ELAVL4: variants seen among roughly 807,000 people sequenced by gnomAD.
ELAVL4 encodes ELAV-like protein 4.
In ELAVL4, 1 loss-of-function variant was observed where a neutral mutation model predicts 35.6. That is an observed-to-expected ratio of 0.03 (90% confidence interval 0.01 to 0.13). The LOEUF (loss-of-function observed/expected upper bound fraction) is 0.13. Ranked by LOEUF, ELAVL4 falls within the 10% of genes least tolerant of loss-of-function variation. The pLI is 1.00. For synonymous variants in ELAVL4, 156 were observed against 171.0 expected (o/e 0.91, Z 0.69); for missense variants, 267 against 464.9 (o/e 0.57, Z 3.91).
intron 2 of ELAVL4, 23 bp downstream of exon 2, chr1:50,145,220 T>C (rs1557776942): frequency 3.7e-6 from 6 of 1,613,052 alleles, no homozygotes; most frequent in Non-Finnish European, 4.2e-6. Context: ...TTTGAAGCTA[T>C]GTTGTTCCAT....
chr1:50,083,499 G>C (rs186313295), intron 1 of ELAVL4, among the ~76,000 whole-genome samples: 15 of 152,246 alleles, frequency 9.9e-5, no homozygotes, highest in Non-Finnish European at 2.2e-4. Context: ...ACTTGAATCA[G>C]GTATGTCTGA....
At chr1:50,116,399 TGTGTGTGTGTGTGC>T (rs1285510924) in intron 1 of ELAVL4, among the ~76,000 whole-genome samples, 1 of 116,726 alleles carries the variant, frequency 8.6e-6, no homozygotes, top group Non-Finnish European at 1.7e-5. Flanking sequence ...TACTGTGGTG[TGTGTGTGTGTGTGC>T]GTGTGTGTGT....
intron 1 of ELAVL4, among the ~76,000 whole-genome samples, chr1:50,075,628 C>T (rs751193945): frequency 3.0e-4 from 46 of 152,170 alleles, no homozygotes; most frequent in Non-Finnish European, 5.4e-4. Context: ...TGTATCATGC[C>T]AGAGTACAGG....
upstream of ELAVL4, among the ~76,000 whole-genome samples, chr1:50,105,410 GTGTTT>G (rs921035443): frequency 5.9e-5 from 9 of 152,176 alleles, no homozygotes; most frequent in Non-Finnish European, 1.0e-4. Flanking sequence ...ATTTGTGGCA[GTGTTT>G]TGTTTTGTTT....
chr1:50,150,297 C>T (rs1674548247), intron 2 of ELAVL4, among the ~76,000 whole-genome samples: 1 of 152,174 alleles, frequency 6.6e-6, no homozygotes, highest in African/African-American at 2.4e-5. Flanking sequence ...TAATACGTCT[C>T]TTTGGTTTAA....
intron 2 of ELAVL4, among the ~76,000 whole-genome samples, chr1:50,163,369 A>T (rs1308361964): frequency 1.3e-5 from 2 of 152,060 alleles, no homozygotes; most frequent in African/African-American, 2.4e-5. Flanking sequence ...TGTAGAAGGG[A>T]TTTGAAGATG....
At chr1:50,181,713 C>T (rs1681064456) in intron 3 of ELAVL4, among the ~76,000 whole-genome samples, 1 of 151,936 alleles carries the variant, frequency 6.6e-6, no homozygotes, top group African/African-American at 2.4e-5. Flanking sequence ...GACAGAGTTT[C>T]ACTCTTGTTG....
intron 1 of ELAVL4, among the ~76,000 whole-genome samples, chr1:50,129,146 G>GT (rs952682484): frequency 6.6e-6 from 1 of 152,044 alleles, no homozygotes; most frequent in African/African-American, 2.4e-5. Flanking sequence ...TAAGGGCTTT[G>GT]TAAGAGTCTC....
intron 3 of ELAVL4, among the ~76,000 whole-genome samples, chr1:50,184,790 G>A (rs74407232): frequency 6.6e-6 from 1 of 152,196 alleles, no homozygotes; most frequent in Non-Finnish European, 1.5e-5. Context: ...CATAAGGGAT[G>A]ATGTAGACAG....
chr1:50,144,580 C>A, intron 1 of ELAVL4: 1 of 471,648 alleles, frequency 2.1e-6, no homozygotes, highest in Non-Finnish European at 4.1e-6. Flanking sequence ...GCTTTTTCAG[C>A]TTTAATGGAA....
At chr1:50,198,148 T>A (rs536664293) in intron 6 of ELAVL4, among the ~76,000 whole-genome samples, 1 of 152,348 alleles carries the variant, frequency 6.6e-6, no homozygotes, top group African/African-American at 2.4e-5. Context: ...TTGCTGTTCC[T>A]GTCACTGAAA....
chr1:50,081,076 G>A (rs113015908), intron 1 of ELAVL4, among the ~76,000 whole-genome samples: 11 of 152,098 alleles, frequency 7.2e-5, no homozygotes, highest in Non-Finnish European at 1.5e-5. Context: ...TCTGACAAAA[G>A]GAAAACTTTC....
chr1:50,190,494 CTG>C (rs1682507360), intron 3 of ELAVL4, among the ~76,000 whole-genome samples: 1 of 152,124 alleles, frequency 6.6e-6, no homozygotes, highest in Non-Finnish European at 1.5e-5. Context: ...GGACAGGAAA[CTG>C]AGAGAACAAT....
chr1:50,194,157 G>A (rs1683086358), intron 4 of ELAVL4, among the ~76,000 whole-genome samples: 1 of 152,220 alleles, frequency 6.6e-6, no homozygotes, highest in South Asian at 2.1e-4. Context: ...CTACTTGCCA[G>A]GGTTGTAAAA....
intron 1 of ELAVL4, among the ~76,000 whole-genome samples, chr1:50,087,574 A>G (rs1557695010): frequency 6.6e-6 from 1 of 152,208 alleles, no homozygotes; most frequent in East Asian, 1.9e-4. Flanking sequence ...TGAATTTTCT[A>G]CACGAAATTT....
chr1:50,118,320 A>G (rs1305572401), intron 1 of ELAVL4, among the ~76,000 whole-genome samples: 6 of 152,056 alleles, frequency 3.9e-5, no homozygotes, highest in Non-Finnish European at 7.4e-5. Context: ...TGAGGCAAAA[A>G]GTGGCTTAAT....
At chr1:50,088,419 G>T (rs181842976) in intron 1 of ELAVL4, among the ~76,000 whole-genome samples, 1 of 152,232 alleles carries the variant, frequency 6.6e-6, no homozygotes, top group African/African-American at 2.4e-5. Flanking sequence ...CTTTTGGGAG[G>T]TCCTCCAGCT....
intron 1 of ELAVL4, among the ~76,000 whole-genome samples, chr1:50,090,543 C>T (rs558877655): frequency 6.6e-6 from 1 of 152,128 alleles, no homozygotes; most frequent in Non-Finnish European, 1.5e-5. Context: ...TGGTTTGACA[C>T]AGTCAGGGTT....
chr1:50,141,075 C>A (rs1262277263), intron 1 of ELAVL4, among the ~76,000 whole-genome samples: 1 of 152,184 alleles, frequency 6.6e-6, no homozygotes, highest in Non-Finnish European at 1.5e-5. Flanking sequence ...ACTTCACAGG[C>A]CTTCCTGGAG....
Sources: gnomAD v4.1 joint callset for allele counts (sites outside exome capture counted in the v4.1 genomes callset) on GRCh38, gnomAD v4.1.1 for gene constraint, MANE v1.5 for transcripts, NCBI Gene and HGNC (gene_info 2026-07-23, HGNC 2026-07-21) for gene names.